Variants in NAV2 observed in about 807,000 individuals in gnomAD.
NAV2 encodes helicase, APC down-regulated 1.
Under a neutral mutation model 223.2 loss-of-function variants are expected in NAV2, and 54 were observed. The ratio of observed to expected loss-of-function variants is 0.24; its 90% CI spans 0.19 to 0.30. NAV2 has a LOEUF of 0.30. Ranked by LOEUF, NAV2 falls within the 10% of genes least tolerant of loss-of-function variation. The probability of loss-of-function intolerance (pLI) is 1.00; values close to 1 mark genes in which losing one functional copy is unlikely to be tolerated. For missense variants in NAV2, 2,806 were observed against 3,147.5 expected (o/e 0.89, Z 2.60); for synonymous variants, 1,279 against 1,239.3 (o/e 1.03, Z -0.67).
intron 7 of NAV2, among the ~76,000 whole-genome samples, chr11:19,935,885 T>C (rs2045853096): frequency 8.4e-6 from 1 of 119,492 alleles, no homozygotes; most frequent in Non-Finnish European, 1.8e-5. Flanking sequence ...TGAGATGGAG[T>C]GTCGCTCTAT....
At chr11:19,532,645 G>T (rs2044061278) in intron 1 of NAV2, among the ~76,000 whole-genome samples, 1 of 152,182 alleles carries the variant, frequency 6.6e-6, no homozygotes, top group Non-Finnish European at 1.5e-5. Context: ...TACTCACGGT[G>T]GTGGAGCCAG....
chr11:19,560,346 G>A (rs912863544), intron 1 of NAV2, among the ~76,000 whole-genome samples: 1 of 152,142 alleles, frequency 6.6e-6, no homozygotes, highest in African/African-American at 2.4e-5. Context: ...ACTGGGGTGC[G>A]GGGCACTGGG....
chr11:19,531,990 A>T (rs2044040219), intron 1 of NAV2, among the ~76,000 whole-genome samples: 1 of 152,136 alleles, frequency 6.6e-6, no homozygotes, highest in African/African-American at 2.4e-5. Context: ...TCACCAAGGG[A>T]GTGATAGAGG....
intron 10 of NAV2, among the ~76,000 whole-genome samples, chr11:19,955,631 G>C (rs1395752293): frequency 6.6e-6 from 1 of 152,216 alleles, no homozygotes; most frequent in East Asian, 1.9e-4. Context: ...ATGGAAGATA[G>C]ACATGCCCCT....
chr11:19,729,988 G>T (rs2051610329), intron 1 of NAV2, among the ~76,000 whole-genome samples: 1 of 152,202 alleles, frequency 6.6e-6, no homozygotes, highest in African/African-American at 2.4e-5. Context: ...TCCACCTTAG[G>T]AGGTAGATAG....
At chr11:20,018,945 G>C (rs2054252108) in intron 11 of NAV2, among the ~76,000 whole-genome samples, 1 of 152,232 alleles carries the variant, frequency 6.6e-6, no homozygotes, top group African/African-American at 2.4e-5. Context: ...CTAGGAAGTG[G>C]GAAGAAGCTT....
At chr11:19,361,858 C>T (rs1853971029) in intron 1 of NAV2, among the ~76,000 whole-genome samples, 2 of 152,232 alleles carry the variant, frequency 1.3e-5, no homozygotes, top group South Asian at 4.1e-4. Flanking sequence ...ATAGAGTCTC[C>T]AAATCTTGTC....
chr11:20,029,079 C>T (rs2055415125), intron 11 of NAV2, among the ~76,000 whole-genome samples: 1 of 152,174 alleles, frequency 6.6e-6, no homozygotes, highest in Non-Finnish European at 1.5e-5. Context: ...GTTACCTGTT[C>T]GGCAGCTTTT....
chr11:19,842,018 G>T (rs1590838635), intron 2 of NAV2, among the ~76,000 whole-genome samples: 1 of 152,164 alleles, frequency 6.6e-6, no homozygotes, highest in East Asian at 1.9e-4. Flanking sequence ...AAGCTCTGCA[G>T]CTGGAATTCA....
chr11:19,907,518 C>T lies in NAV2; in HGVS notation c.931+14924C>T, dbSNP rs549337680. 1.2e-4 allele frequency among the ~76,000 whole-genome samples: 11 copies of T among 95,244 alleles called. No homozygotes were observed. In the East Asian group the frequency reaches 2.3e-3, roughly 20 times the overall value. The allele number at this position is 95,244 out of a possible 152,430, so 62.5% of individuals were successfully genotyped here. ...TTGATTCTTGAAATTCCCCCACTGC[C>T]ACTCATAGGGGGAGGGGGAATTTGA... On this transcript the variant is annotated intron_variant, in intron 6 of 37. Transcript: ENST00000349880.
intron 6 of NAV2, among the ~76,000 whole-genome samples, chr11:19,900,751 A>G (rs1365642309): frequency 6.6e-6 from 1 of 152,192 alleles, no homozygotes; most frequent in Non-Finnish European, 1.5e-5. Context: ...GGTTTTTCCC[A>G]TCCAGATGTG....
chr11:19,623,383 C>G (rs2047066508), intron 1 of NAV2, among the ~76,000 whole-genome samples: 1 of 152,158 alleles, frequency 6.6e-6, no homozygotes, highest in African/African-American at 2.4e-5. Flanking sequence ...TCCATTCTCC[C>G]CGTCACTTTC....
At chr11:19,798,357 C>T (rs2058050384) in intron 1 of NAV2, among the ~76,000 whole-genome samples, 1 of 152,214 alleles carries the variant, frequency 6.6e-6, no homozygotes, top group Admixed American at 6.5e-5. Context: ...GTTCTCCAAG[C>T]ATCTGGCCCA....
At chr11:20,034,377 T>G (rs1343678740) in intron 11 of NAV2, among the ~76,000 whole-genome samples, 4 of 33,758 alleles carry the variant, frequency 1.2e-4, no homozygotes, top group African/African-American at 2.0e-4. Flanking sequence ...TTTTTTTTTT[T>G]TTGTTTGTTT....
At chr11:19,564,298 C>A (rs2045196928) in intron 1 of NAV2, among the ~76,000 whole-genome samples, 1 of 152,200 alleles carries the variant, frequency 6.6e-6, no homozygotes, top group Non-Finnish European at 1.5e-5. Context: ...CGTTTCTTCT[C>A]GAATTTTCCC....
rs757183666 is a variant in NAV2, at chr11:19,787,270, CTTTTTT to C, written c.268-45191_268-45186del. Among the ~76,000 whole-genome samples, 215 of 54,864 alleles carry C rather than the reference CTTTTTT, an allele frequency of 3.9e-3. 1 individual carries two copies. The highest frequency in any genetic ancestry group is 0.018 in the East Asian group (10 of 556). The allele number at this position is 54,864 out of a possible 152,430, so 36.0% of individuals were successfully genotyped here. A position where few individuals can be genotyped will look rare whatever the true frequency, so the allele number is the denominator to read the frequency against. On this transcript the variant is annotated intron_variant, in intron 1 of 37. Coordinates refer to ENST00000349880, the MANE Select transcript of NAV2 (RefSeq NM_145117.5). Reference sequence around the variant, plus strand: ...CATGCCTGGCTAATTTTTATTGGATCTTTTTTTTTTTTTTTTTTTTTTTTTTTTGGA... The same window carrying C: ...CATGCCTGGCTAATTTTTATTGGATCTTTTTTTTTTTTTTTTTTTTTTGGA...
chr11:19,472,751 T>G (rs141714186), intron 1 of NAV2, among the ~76,000 whole-genome samples: 11 of 152,316 alleles, frequency 7.2e-5, no homozygotes, highest in Non-Finnish European at 1.5e-4. Flanking sequence ...TAGGCGGTGC[T>G]ACTAAACTGA....
At chr11:20,014,756 G>T (rs890977382) in intron 11 of NAV2, among the ~76,000 whole-genome samples, 1 of 152,096 alleles carries the variant, frequency 6.6e-6, no homozygotes, top group Non-Finnish European at 1.5e-5. Context: ...ACAAAAATTA[G>T]CTGTGTGTGG....
chr11:19,950,341 A>C (rs2047280475), intron 10 of NAV2, among the ~76,000 whole-genome samples: 1 of 152,174 alleles, frequency 6.6e-6, no homozygotes, highest in Non-Finnish European at 1.5e-5. Context: ...TCTCCATAGC[A>C]ATCCTTTGAG....
Sources: allele counts gnomAD v4.1 joint callset (sites outside exome capture counted in the v4.1 genomes callset), GRCh38; gene constraint gnomAD v4.1.1; transcripts MANE v1.5; gene names NCBI Gene and HGNC (gene_info 2026-07-23, HGNC 2026-07-21).